The following CSMD1 variants were observed in gnomAD, a reference collection of about 807,000 sequenced individuals.
CSMD1 encodes the protein CUB and sushi domain-containing protein 1.
CSMD1 carries 213 observed loss-of-function variants against 417.5 expected under a neutral mutation model. The observed-to-expected ratio is 0.51, with a 90% CI of 0.46 to 0.57. CSMD1 has a LOEUF of 0.57. Ranked by LOEUF, CSMD1 falls within the 20% of genes least tolerant of loss-of-function variation. The probability of loss-of-function intolerance (pLI) is 0.00; values close to 1 mark genes in which losing one functional copy is unlikely to be tolerated. For synonymous variants in CSMD1, 2,862 were observed against 1,736.8 expected (o/e 1.65, Z -16.11); for missense variants, 6,923 against 4,529.7 (o/e 1.53, Z -15.17).
chr8:3,656,534 A>G (rs1215630862), intron 7 of CSMD1, among the ~76,000 whole-genome samples: 4 of 152,196 alleles, frequency 2.6e-5, no homozygotes, highest in Non-Finnish European at 4.4e-5. Context: ...CCGCAAAATA[A>G]TGGGTAGATG....
intron 5 of CSMD1, among the ~76,000 whole-genome samples, chr8:3,868,352 C>CT (rs1388356121): frequency 2.0e-5 from 3 of 152,072 alleles, no homozygotes; most frequent in Non-Finnish European, 2.9e-5. Context: ...TCCTTTCTCC[C>CT]TAAAGTCTCC....
intron 5 of CSMD1, among the ~76,000 whole-genome samples, chr8:3,893,080 G>A (rs2627433): frequency 0.033 from 5,034 of 151,680 alleles, 285 homozygotes; most frequent in African/African-American, 0.12. Context: ...GAGAAATGCT[G>A]GAATTAGCTT....
At chr8:3,877,413 A>G (rs373907499) in intron 5 of CSMD1, among the ~76,000 whole-genome samples, 2 of 152,212 alleles carry the variant, frequency 1.3e-5, no homozygotes, top group African/African-American at 4.8e-5. Context: ...ATACAGGCTC[A>G]GAAGCGGAGT....
At chr8:2,960,819 T>C (rs1357604744) in intron 62 of CSMD1, among the ~76,000 whole-genome samples, 1 of 151,712 alleles carries the variant, frequency 6.6e-6, no homozygotes, top group Non-Finnish European at 1.5e-5. Context: ...AGAACTGCCG[T>C]GAGAATTTAA....
intron 69 of CSMD1, among the ~76,000 whole-genome samples, chr8:2,940,315 G>A (rs755249918): frequency 6.6e-6 from 1 of 152,136 alleles, no homozygotes; most frequent in Non-Finnish European, 1.5e-5. Flanking sequence ...AGACCCAATG[G>A]ATTGAGAAGT....
intron 1 of CSMD1, among the ~76,000 whole-genome samples, chr8:4,988,696 C>G (rs1811307514): frequency 6.6e-6 from 1 of 152,154 alleles, no homozygotes; most frequent in Non-Finnish European, 1.5e-5. Flanking sequence ...CTGCAACTTC[C>G]CTAAAGCACT....
intron 3 of CSMD1, among the ~76,000 whole-genome samples, chr8:4,131,623 C>T (rs1360297108): frequency 6.6e-6 from 1 of 152,054 alleles, no homozygotes; most frequent in African/African-American, 2.4e-5. Context: ...AGAATAGGTA[C>T]AGCTTCTTGA....
At chr8:3,505,901 T>G (rs1182517833) in intron 10 of CSMD1, among the ~76,000 whole-genome samples, 1 of 152,180 alleles carries the variant, frequency 6.6e-6, no homozygotes, top group African/African-American at 2.4e-5. Flanking sequence ...AACAGTTACT[T>G]AAGGAGGTTC....
At chr8:4,987,218 G>C (rs938762527) in intron 1 of CSMD1, among the ~76,000 whole-genome samples, 1 of 152,076 alleles carries the variant, frequency 6.6e-6, no homozygotes, top group Non-Finnish European at 1.5e-5. Flanking sequence ...AGAATCATTT[G>C]GAAAAGAAGC....
At chr8:2,987,955 T>C (rs913818693) in intron 54 of CSMD1, among the ~76,000 whole-genome samples, 1 of 152,166 alleles carries the variant, frequency 6.6e-6, no homozygotes. Flanking sequence ...GGTAAATGTG[T>C]ACCATGGGGG....
chr8:3,745,974 T>C (rs1321217609), intron 6 of CSMD1, among the ~76,000 whole-genome samples: 1 of 152,162 alleles, frequency 6.6e-6, no homozygotes, highest in African/African-American at 2.4e-5. Flanking sequence ...TCAATGTAAA[T>C]GCTGAAGACT....
intron 3 of CSMD1, among the ~76,000 whole-genome samples, chr8:4,065,349 C>T (rs1043762980): frequency 2.6e-5 from 4 of 152,188 alleles, no homozygotes; most frequent in African/African-American, 7.2e-5. Flanking sequence ...TGGTGTTCAC[C>T]AAAGTCATGG....
chr8:4,663,604 C>T (rs993263849), intron 1 of CSMD1, among the ~76,000 whole-genome samples: 3 of 152,110 alleles, frequency 2.0e-5, no homozygotes, highest in African/African-American at 7.2e-5. Flanking sequence ...TCCTCTTGCT[C>T]CAGCCAAGGA....
intron 12 of CSMD1, among the ~76,000 whole-genome samples, chr8:3,459,863 A>C (rs543792234): frequency 6.6e-6 from 1 of 151,826 alleles, no homozygotes; most frequent in African/African-American, 2.4e-5. Context: ...TAAAAACTCA[A>C]CTAAGACTTA....
intron 1 of CSMD1, among the ~76,000 whole-genome samples, chr8:4,657,537 T>C (rs928297194): frequency 6.6e-6 from 1 of 152,092 alleles, no homozygotes; most frequent in Non-Finnish European, 1.5e-5. Context: ...GAAAAGAATA[T>C]AAACCTTATA....
chr8:3,098,854 C>T (rs968257838), intron 46 of CSMD1, among the ~76,000 whole-genome samples: 1 of 152,070 alleles, frequency 6.6e-6, no homozygotes, highest in African/African-American at 2.4e-5. Context: ...ATAATAGCTC[C>T]CCCTCAGGGT....
Position 4,569,069 on chromosome 8 carries a change from CCTGTTCA to C in CSMD1, c.302+68266_302+68272del, listed in dbSNP as rs545138169. On this transcript the variant is annotated intron_variant, in intron 2 of 69. Transcript: ENST00000635120. ...AAATTTTCTCCCATTCTGTAGGTTGCCTGTTCACTGTTCACTGTTCACTGTGATGATA... is the reference window on the plus strand; with the variant it reads ...AAATTTTCTCCCATTCTGTAGGTTGCCTGTTCACTGTTCACTGTGATGATA... Among the ~76,000 whole-genome samples the C allele has an allele frequency of 7.3e-3, 1,104 of 152,190 alleles. 3 individuals are homozygous for C. Among genetic ancestry groups the C allele is most frequent in the Non-Finnish European group, 0.012 (810 of 67,992 alleles).
chr8:3,240,251 A>G (rs1799411143), intron 26 of CSMD1, among the ~76,000 whole-genome samples: 2 of 152,120 alleles, frequency 1.3e-5, no homozygotes, highest in African/African-American at 4.8e-5. Context: ...AGGGAGAGCT[A>G]GGATGGGGGC....
At chr8:4,016,140 T>C (rs1230138573) in intron 4 of CSMD1, among the ~76,000 whole-genome samples, 2 of 152,180 alleles carry the variant, frequency 1.3e-5, no homozygotes, top group South Asian at 2.1e-4. Flanking sequence ...TAAAACATTT[T>C]AGATAGGATT....
Sources: allele counts gnomAD v4.1 joint callset (sites outside exome capture counted in the v4.1 genomes callset), GRCh38; gene constraint gnomAD v4.1.1; transcripts MANE v1.5; gene names NCBI Gene and HGNC (gene_info 2026-07-23, HGNC 2026-07-21).